Variants in CA12 observed in about 807,000 individuals in gnomAD.
The protein encoded by CA12 is carbonic anhydrase 12.
Under a neutral mutation model 46.8 loss-of-function variants are expected in CA12, and 36 were observed. The observed-to-expected ratio is 0.77, with a 90% CI of 0.59 to 1.02. The LOEUF (loss-of-function observed/expected upper bound fraction) is 1.02. CA12 is among the 50% of genes least tolerant of loss of function. The pLI, the probability that CA12 is intolerant of heterozygous loss-of-function variation, is 0.00. For synonymous variants in CA12, 202 were observed against 187.0 expected (o/e 1.08, Z -0.65); for missense variants, 436 against 451.4 (o/e 0.97, Z 0.31).
chr15:63,355,295 T>C lies in CA12; in HGVS notation c.107-8586A>G, dbSNP rs1484444553. ...AGGGTTTCCCCCTCTTCTGTGCTCC[T>C]ATACAGCCTTTGCATTTCTCTTCCT... On this transcript the variant is annotated intron_variant, in intron 2 of 10. Transcript: ENST00000178638. This position sits in a 1 kb window ranked among gnomAD's most constrained non-coding sequence, Gnocchi z 4.1. Among the ~76,000 whole-genome samples the C allele has an allele frequency of 6.6e-6, 1 of 152,226 alleles. No homozygotes were observed. The highest frequency in any genetic ancestry group is 2.4e-5 in the African/African-American group (1 of 41,466).
chr15:63,327,163 A>G lies in CA12; in HGVS notation c.978T>C (p.Leu326=). ...AACCAGCTCACCTCTTCCTTCTGAA[A>G]AGCCAAATGGACACCACCACCACAA... ...ICIVVVVSIW[L]FRRKSIKKGD... is the part of the protein sequence containing the mutation. Residue 326 remains leucine, a synonymous_variant, in exon 10 of 11, where the codon CTT becomes CTC. Transcript: ENST00000178638. This position sits in a 1 kb window ranked among gnomAD's most constrained non-coding sequence, Gnocchi z 4.5. 2 of 1,614,054 alleles carry G rather than the reference A, an allele frequency of 1.2e-6. No individual in the cohort carries two copies. Among genetic ancestry groups the G allele is most frequent in the Non-Finnish European group, 1.7e-6 (2 of 1,179,948 alleles).
chr15:63,343,299 T>TTTTG (rs745693866), intron 4 of CA12, among the ~76,000 whole-genome samples: 2 of 147,356 alleles, frequency 1.4e-5, no homozygotes, highest in East Asian at 3.9e-4. Flanking sequence ...TTTTTTTTTT[T>TTTTG]TAATGGAGTT....
chr15:63,376,807 TA>T (rs2039583976), intron 1 of CA12, among the ~76,000 whole-genome samples: 1 of 151,668 alleles, frequency 6.6e-6, no homozygotes, highest in Non-Finnish European at 1.5e-5. Context: ...CACACCTGGC[TA>T]ATTTTTGTAT....
Position 63,341,373 on chromosome 15 carries a change from GC to G in CA12, c.526-591del, listed in dbSNP as rs1367417469. ...AAGCAAGCATTACAGCCTGAGCTCCGCCCCCTGTCAAATCAGCAGAGGCCTC... is the reference window on the plus strand; with the variant it reads ...AAGCAAGCATTACAGCCTGAGCTCCGCCCCTGTCAAATCAGCAGAGGCCTC... On this transcript the variant is annotated intron_variant, in intron 5 of 10. Transcript: ENST00000178638. The surrounding 1 kb of genome is among the most constrained non-coding windows in gnomAD (Gnocchi z 5.2). Among the ~76,000 whole-genome samples, 2 of 152,288 alleles carry G rather than the reference GC, an allele frequency of 1.3e-5. No homozygotes were observed. The highest frequency in any genetic ancestry group is 3.9e-4 in the East Asian group (2 of 5,184).
rs552783537 is a variant in CA12 at position 63,329,916 on chromosome 15, T to C, written c.875-1786A>G. On this transcript the variant is annotated intron_variant, in intron 8 of 10. Coordinates refer to ENST00000178638, the MANE Select transcript of CA12 (RefSeq NM_001218.5). The surrounding 1 kb of genome is among the most constrained non-coding windows in gnomAD (Gnocchi z 4.8). The stretch of plus-strand genomic sequence containing the variant: ...TTTCCGATTGTCTTTTTCTGCAATC[T>C]CACATTGAACCTGCAGAGCCTCCCT... 2.6e-5 allele frequency among the ~76,000 whole-genome samples: 4 copies of C among 152,314 alleles called. No individual in the cohort carries two copies. The highest frequency in any genetic ancestry group is 7.2e-5 in the African/African-American group (3 of 41,564).
intron 8 of CA12, among the ~76,000 whole-genome samples, chr15:63,332,977 T>A (rs11632401): frequency 6.6e-6 from 1 of 152,084 alleles, no homozygotes. Context: ...CTTTGCTGTG[T>A]GGTAATAATT....
chr15:63,353,095 C>T (rs925033271), intron 2 of CA12, among the ~76,000 whole-genome samples: 8 of 152,014 alleles, frequency 5.3e-5, no homozygotes, highest in African/African-American at 1.7e-4. Flanking sequence ...TCTGACCTTG[C>T]GGCACTCACA....
At chr15:63,377,570 A>G (rs558970451) in intron 1 of CA12, among the ~76,000 whole-genome samples, 1 of 151,488 alleles carries the variant, frequency 6.6e-6, no homozygotes, top group African/African-American at 2.4e-5. Context: ...TTTGTTTTTA[A>G]TTTTCCAATG....
intron 1 of CA12, among the ~76,000 whole-genome samples, chr15:63,380,810 C>T (rs1163731819): frequency 6.6e-6 from 1 of 152,214 alleles, no homozygotes; most frequent in African/African-American, 2.4e-5. Context: ...AGTAAAATCA[C>T]TTTCGGTCCA....
Position 63,341,958 on chromosome 15 carries a change from C to T in CA12, c.525+44G>A. 1 of 1,362,494 alleles carries T rather than the reference C, an allele frequency of 7.3e-7. No homozygotes were observed. The highest frequency in any genetic ancestry group is 1.0e-6 in the Non-Finnish European group (1 of 952,874). The allele number at this position is 1,362,494 out of a possible 1,614,324, so 84.4% of individuals were successfully genotyped here. A position where few individuals can be genotyped will look rare whatever the true frequency, so the allele number is the denominator to read the frequency against. ...ACAAAAGGTGGAATCCCAATCTCAT[C>T]CCTGCTTCAAATTTCACCTAAGAAC... On this transcript the variant is annotated intron_variant, in intron 5 of 10. Transcript: ENST00000178638. The surrounding 1 kb of genome is among the most constrained non-coding windows in gnomAD (Gnocchi z 5.2).
intron 2 of CA12, among the ~76,000 whole-genome samples, chr15:63,356,979 A>G (rs995081077): frequency 1.3e-5 from 2 of 152,258 alleles, no homozygotes; most frequent in African/African-American, 2.4e-5. Flanking sequence ...TGGCACAGAC[A>G]TACAATGGAA....
rs2038927857 is a variant in CA12 at position 63,330,744 on chromosome 15, G to A, written c.875-2614C>T. On this transcript the variant is annotated intron_variant, in intron 8 of 10. Transcript: ENST00000178638. This position sits in a 1 kb window ranked among gnomAD's most constrained non-coding sequence, Gnocchi z 4.0. The stretch of plus-strand genomic sequence containing the variant: ...GTGGCTTCTCTGGAGGGAGAGTCTG[G>A]CTTCCCCCGGTTATTACGCGGGGTT... Among the ~76,000 whole-genome samples the A allele has an allele frequency of 6.6e-6, 1 of 152,196 alleles. No individual in the cohort carries two copies. Among genetic ancestry groups the A allele is most frequent in the Admixed American group, 6.5e-5 (1 of 15,290 alleles).
chr15:63,327,244 G>A lies in CA12; in HGVS notation c.908-11C>T, dbSNP rs1161440922. On this transcript the variant is annotated splice_polypyrimidine_tract_variant and intron_variant, in intron 9 of 10. Coordinates refer to ENST00000178638, the MANE Select transcript of CA12 (RefSeq NM_001218.5). This position sits in a 1 kb window ranked among gnomAD's most constrained non-coding sequence, Gnocchi z 4.5. ...GTGAGAGGATGATGCCTGGTGAAGA[G>A]GTAGAGGGCACACATTACATTCCTT... is the stretch of plus-strand genomic sequence containing the variant. 6.2e-7 allele frequency: 1 copy of A among 1,610,138 alleles called. No individual in the cohort carries two copies. Among genetic ancestry groups the A allele is most frequent in the African/African-American group, 1.3e-5 (1 of 74,864 alleles).
At chr15:63,326,429 T>C in intron 10 of CA12, 72 bp from the exon 11 acceptor site, 1 of 1,257,060 alleles carries the variant, frequency 8.0e-7, no homozygotes, top group Non-Finnish European at 1.2e-6. Flanking sequence ...CTGACTCAGG[T>C]ATGGAATGAG....
intron 2 of CA12, among the ~76,000 whole-genome samples, chr15:63,364,345 A>AAAAAAAAAAAAAAC (rs2039410954): frequency 6.7e-6 from 1 of 149,182 alleles, no homozygotes; most frequent in African/African-American, 2.5e-5. Context: ...AAAAAAAAAA[A>AAAAAAAAAAAAAAC]AAAAAAAAAA....
In CA12 at chr15:63,381,742, G is replaced by A; in HGVS notation, c.-22C>T. On this transcript the variant is annotated 5_prime_UTR_variant, in exon 1 of 11. Coordinates refer to ENST00000178638, the MANE Select transcript of CA12 (RefSeq NM_001218.5). ...GCATCTTCGCGGGCTCCTGCGGGGC[G>A]GGCGCGGGCTGTGCCGGGGGCTCCC... The A allele has an allele frequency of 1.9e-6, 3 of 1,546,772 alleles. No individual in the cohort carries two copies. Among genetic ancestry groups the A allele is most frequent in the South Asian group, 2.4e-5 (2 of 84,184 alleles).
At chr15:63,360,559 A>G (rs1458111909) in intron 2 of CA12, among the ~76,000 whole-genome samples, 1 of 152,198 alleles carries the variant, frequency 6.6e-6, no homozygotes, top group African/African-American at 2.4e-5. Flanking sequence ...ACATTAGGCT[A>G]CTGAGTCTCT....
At chr15:63,335,240 G>A (rs4984265) in intron 8 of CA12, among the ~76,000 whole-genome samples, 42,783 of 151,982 alleles carry the variant, frequency 0.28, 6,731 homozygotes, top group East Asian at 0.63. Context: ...TAAGTTGTCA[G>A]TAGTGCTAAG....
chr15:63,368,461 C>T (rs1205201266), intron 2 of CA12, among the ~76,000 whole-genome samples: 1 of 152,228 alleles, frequency 6.6e-6, no homozygotes, highest in Non-Finnish European at 1.5e-5. Context: ...GACCTATTCT[C>T]TTCCTCAAGG....
Sources: allele counts gnomAD v4.1 joint callset (sites outside exome capture counted in the v4.1 genomes callset), GRCh38; gene constraint gnomAD v4.1.1; non-coding constraint Gnocchi (gnomAD v3.1); transcripts MANE v1.5; gene names NCBI Gene and HGNC (gene_info 2026-07-23, HGNC 2026-07-21).